HDAC9: variants seen among roughly 807,000 people sequenced by gnomAD.
HDAC9 encodes MEF-2 interacting transcription repressor (MITR) protein.
A neutral mutation model predicts 139.4 loss-of-function variants in HDAC9; 41 were observed. That is an observed-to-expected ratio of 0.29 (90% CI 0.23 to 0.38). The LOEUF is 0.38. HDAC9 is among the 10% of genes least tolerant of loss of function. The probability of loss-of-function intolerance (pLI) is 1.00; values close to 1 mark genes in which losing one functional copy is unlikely to be tolerated. For synonymous variants in HDAC9, 517 were observed against 476.2 expected (o/e 1.09, Z -1.12); for missense variants, 1,147 against 1,297.0 (o/e 0.88, Z 1.78).
intron 13 of HDAC9, among the ~76,000 whole-genome samples, chr7:18,737,551 G>A (rs538628072): frequency 6.6e-6 from 1 of 151,104 alleles, no homozygotes; most frequent in Non-Finnish European, 1.5e-5. Context: ...GTTTTGATTA[G>A]AATATAGTTT....
chr7:18,311,183 CCAAA>C (rs1241514554), intron 1 of HDAC9, among the ~76,000 whole-genome samples: 2 of 151,922 alleles, frequency 1.3e-5, no homozygotes, highest in African/African-American at 4.8e-5. Context: ...TTACACAGTA[CCAAA>C]CAGTGTTCTA....
At chr7:18,091,474 A>G (rs896861767) in intron 1 of HDAC9, among the ~76,000 whole-genome samples, 3 of 152,214 alleles carry the variant, frequency 2.0e-5, no homozygotes, top group African/African-American at 7.2e-5. Flanking sequence ...CTGAAAGGGT[A>G]AGATTTGGAT....
chr7:18,315,210 C>T (rs760464458), intron 1 of HDAC9, among the ~76,000 whole-genome samples: 1 of 152,016 alleles, frequency 6.6e-6, no homozygotes, highest in Non-Finnish European at 1.5e-5. Flanking sequence ...TTTCCTATAC[C>T]TTATTGTAAA....
intron 2 of HDAC9, chr7:18,578,161 C>A (rs757069214): frequency 1.9e-6 from 1 of 518,932 alleles, no homozygotes; most frequent in African/African-American, 1.9e-5. Flanking sequence ...GCCAGAGAAA[C>A]AAGATGGTGA....
intron 2 of HDAC9, among the ~76,000 whole-genome samples, chr7:18,205,437 C>T (rs1017011226): frequency 2.0e-4 from 30 of 151,944 alleles, no homozygotes; most frequent in Non-Finnish European, 3.2e-4. Context: ...ACGGTTTCCC[C>T]ACTCATAGTA....
intron 9 of HDAC9, 71 bp from the exon 10 acceptor site, chr7:18,647,714 C>A: frequency 7.7e-7 from 1 of 1,298,418 alleles, no homozygotes. Flanking sequence ...GGAAACTTGT[C>A]TAATGATTTA....
At chr7:18,360,094 G>A (rs1783658366) in intron 1 of HDAC9, among the ~76,000 whole-genome samples, 1 of 152,090 alleles carries the variant, frequency 6.6e-6, no homozygotes, top group African/African-American at 2.4e-5. Flanking sequence ...TGCTCTTCTT[G>A]TTCTAGATTG....
At chr7:18,921,857 A>T (rs1803766129) in intron 22 of HDAC9, among the ~76,000 whole-genome samples, 1 of 152,176 alleles carries the variant, frequency 6.6e-6, no homozygotes, top group South Asian at 2.1e-4. Context: ...GACTGGATTA[A>T]GAAAATGTGG....
intron 1 of HDAC9, among the ~76,000 whole-genome samples, chr7:18,431,061 T>A (rs374625544): frequency 1.9e-4 from 17 of 91,246 alleles, no homozygotes; most frequent in African/African-American, 5.9e-4. Flanking sequence ...TGTCCTGTCC[T>A]GTCCAGTCCA....
At chr7:18,238,336 G>A (rs574321661) in intron 2 of HDAC9, among the ~76,000 whole-genome samples, 1 of 152,280 alleles carries the variant, frequency 6.6e-6, no homozygotes, top group East Asian at 1.9e-4. Flanking sequence ...TGAGTGCGTT[G>A]CTTGCAAAGG....
chr7:18,524,840 T>C (rs949978817), intron 2 of HDAC9, among the ~76,000 whole-genome samples: 2 of 149,706 alleles, frequency 1.3e-5, no homozygotes, highest in Non-Finnish European at 3.0e-5. Flanking sequence ...GGGTAGACGA[T>C]TTTGAAATAA....
At chr7:18,688,037 C>A (rs1010607886) in intron 12 of HDAC9, among the ~76,000 whole-genome samples, 1 of 151,644 alleles carries the variant, frequency 6.6e-6, no homozygotes, top group African/African-American at 2.4e-5. Context: ...CCACAAACAG[C>A]CCATATAACC....
intron 1 of HDAC9, among the ~76,000 whole-genome samples, chr7:18,364,402 A>G (rs1372548544): frequency 1.3e-5 from 2 of 152,158 alleles, no homozygotes; most frequent in African/African-American, 2.4e-5. Flanking sequence ...ATTAGAAATA[A>G]ACATTTAGGC....
chr7:18,650,870 A>T (rs984113505), intron 11 of HDAC9, among the ~76,000 whole-genome samples: 6 of 152,168 alleles, frequency 3.9e-5, no homozygotes, highest in African/African-American at 1.4e-4. Context: ...AGATGACTCA[A>T]GCAGGTCGCC....
chr7:18,183,323 T>A (rs1789647756), intron 2 of HDAC9, among the ~76,000 whole-genome samples: 1 of 152,132 alleles, frequency 6.6e-6, no homozygotes, highest in Admixed American at 6.5e-5. Flanking sequence ...TTTGTTTTTT[T>A]AAAAAAAGCC....
chr7:18,251,655 A>AT (rs531562544), intron 2 of HDAC9, among the ~76,000 whole-genome samples: 6 of 152,158 alleles, frequency 3.9e-5, no homozygotes, highest in African/African-American at 7.2e-5. Flanking sequence ...GAGCTTTTGA[A>AT]TTTTTTCTGG....
chr7:18,843,430 A>G (rs1796712634), intron 21 of HDAC9, among the ~76,000 whole-genome samples: 1 of 152,124 alleles, frequency 6.6e-6, no homozygotes, highest in Non-Finnish European at 1.5e-5. Flanking sequence ...TAATCTAGTA[A>G]TAGTGGAATT....
At chr7:18,981,914 C>T (rs1177194762) in intron 25 of HDAC9, among the ~76,000 whole-genome samples, 2 of 151,572 alleles carry the variant, frequency 1.3e-5, no homozygotes, top group African/African-American at 4.9e-5. Context: ...AATGACAAGT[C>T]TTTGATAAGA....
At chr7:18,760,372 G>A (rs1269343121) in intron 14 of HDAC9, among the ~76,000 whole-genome samples, 1 of 152,006 alleles carries the variant, frequency 6.6e-6, no homozygotes, top group African/African-American at 2.4e-5. Context: ...CCTACTCTTT[G>A]GTTGTTCTGG....
Sources: allele counts gnomAD v4.1 joint callset (sites outside exome capture counted in the v4.1 genomes callset), GRCh38; gene constraint gnomAD v4.1.1; transcripts MANE v1.5; gene names NCBI Gene and HGNC (gene_info 2026-07-23, HGNC 2026-07-21).